The following MYBL1 variants were observed in gnomAD, a reference collection of about 807,000 sequenced individuals.
MYBL1 encodes myb-related protein A.
In MYBL1, 17 loss-of-function variants were observed where a neutral mutation model predicts 96.3. The observed-to-expected ratio is 0.18, with a 90% confidence interval of 0.12 to 0.26. The LOEUF is 0.26. MYBL1 is among the 10% of genes least tolerant of loss of function. The probability of loss-of-function intolerance (pLI) is 1.00; values close to 1 mark genes in which losing one functional copy is unlikely to be tolerated. For missense variants in MYBL1, 701 were observed against 882.9 expected (o/e 0.79, Z 2.61); for synonymous variants, 282 against 292.7 (o/e 0.96, Z 0.37).
At position 66,566,201 on chromosome 8, in the gene MYBL1, A is replaced by C; in HGVS notation, c.1993T>G (p.Leu665Val). ...TTGCACCTATTGTCATGTATTTCCAATAATGGTATCATTAATAAGGATGTA... is the reference window on the plus strand; with the variant it reads ...TTGCACCTATTGTCATGTATTTCCACTAATGGTATCATTAATAAGGATGTA... ...FTTSLLMIPLLEIHDNRCNLI... is the reference protein window; with the variant it reads ...FTTSLLMIPLVEIHDNRCNLI... Residue 665 changes from leucine to valine, a missense_variant, in exon 15 of 16, where the codon TTG becomes GTG. Physicochemically the swap from Leu to Val is conservative, Grantham distance 32. This residue lies in a region of MYBL1 where 137 missense variants were observed against 137.5 expected (regional missense o/e 1.00). Transcript: ENST00000522677. 1 of 1,513,618 alleles carries C rather than the reference A, an allele frequency of 6.6e-7. No individual in the cohort carries two copies. The highest frequency in any genetic ancestry group is 1.2e-5 in the South Asian group (1 of 82,002). 93.8% of individuals were successfully genotyped at this position (1,513,618 alleles called of 1,614,324 possible).
chr8:66,585,379 A>AT (rs1809375901), intron 8 of MYBL1, among the ~76,000 whole-genome samples: 3 of 152,190 alleles, frequency 2.0e-5, no homozygotes, highest in Admixed American at 6.5e-5. Context: ...TTTTTTGTGA[A>AT]AGAAGAAAAT....
chr8:66,572,460 A>G (rs1482018970), intron 12 of MYBL1, 22 bp downstream of exon 12: 4 of 1,175,322 alleles, frequency 3.4e-6, no homozygotes, highest in Non-Finnish European at 4.8e-6. Context: ...AAAATTATTA[A>G]AAATAAAATG....
intron 5 of MYBL1, among the ~76,000 whole-genome samples, chr8:66,596,664 T>C (rs1271266443): frequency 6.6e-6 from 1 of 152,170 alleles, no homozygotes; most frequent in African/African-American, 2.4e-5. Context: ...TGCTATAAAG[T>C]ACTATACAGA....
chr8:66,612,969 A>C lies in MYBL1; in HGVS notation c.-131T>G. Reference sequence around the variant, plus strand: ...CCCTCTGGAGGCGGCCGAGTGCGGAACGCACGTCCTCGACAGGGCAGGACG... The same window carrying C: ...CCCTCTGGAGGCGGCCGAGTGCGGACCGCACGTCCTCGACAGGGCAGGACG... On this transcript the variant is annotated 5_prime_UTR_variant, in exon 1 of 16. Coordinates refer to ENST00000522677, the MANE Select transcript of MYBL1 (RefSeq NM_001080416.4). 1 of 1,063,606 alleles carries C rather than the reference A, an allele frequency of 9.4e-7. No homozygotes were observed. The highest frequency in any genetic ancestry group is 1.2e-6 in the Non-Finnish European group (1 of 802,904). 65.9% of individuals were successfully genotyped at this position (1,063,606 alleles called of 1,614,324 possible).
intron 5 of MYBL1, among the ~76,000 whole-genome samples, chr8:66,595,990 G>C (rs2129964370): frequency 6.6e-6 from 1 of 152,222 alleles, no homozygotes; most frequent in South Asian, 2.1e-4. Context: ...AAATATTGCA[G>C]TGAGTAAGGC....
At position 66,613,146 on chromosome 8, in the gene MYBL1, C is replaced by T. The variant is rs1776915757; in HGVS notation, c.-308G>A. On this transcript the variant is annotated 5_prime_UTR_variant, in exon 1 of 16. Coordinates refer to ENST00000522677, the MANE Select transcript of MYBL1 (RefSeq NM_001080416.4). ...CTTCTCCCGCCGCTTGTCAGCCTCC[C>T]TGCCCTGGCCCCAGCCCGGCTCCGC... 2.5e-6 allele frequency: 1 copy of T among 401,674 alleles called. No individual in the cohort carries two copies. The highest frequency in any genetic ancestry group is 4.4e-6 in the Non-Finnish European group (1 of 227,222). The allele number at this position is 401,674 out of a possible 1,614,324, so 24.9% of individuals were successfully genotyped here.
At position 66,572,604 on chromosome 8, in the gene MYBL1, G is replaced by T. The variant is rs957804705; in HGVS notation, c.1614-8C>A. The T allele has an allele frequency of 9.0e-6, 12 of 1,328,016 alleles. No individual in the cohort carries two copies. Among genetic ancestry groups the T allele is most frequent in the Non-Finnish European group, 1.2e-5 (11 of 948,962 alleles). The allele number at this position is 1,328,016 out of a possible 1,614,324, so 82.3% of individuals were successfully genotyped here. On this transcript the variant is annotated splice_region_variant and splice_polypyrimidine_tract_variant and intron_variant, in intron 11 of 15. Coordinates refer to ENST00000522677, the MANE Select transcript of MYBL1 (RefSeq NM_001080416.4). ...ATAGTAGGTGTTCTAAACCTATCCA[G>T]TCATTTAGATATTTATGTTATAGTC...
intron 9 of MYBL1, among the ~76,000 whole-genome samples, chr8:66,579,800 G>A (rs1809126070): frequency 6.6e-6 from 1 of 152,056 alleles, no homozygotes; most frequent in Non-Finnish European, 1.5e-5. Flanking sequence ...AACACAGACT[G>A]AAAGGAATAC....
In MYBL1 at chr8:66,602,617, TCATA is replaced by T; in HGVS notation, c.21-98_21-95del. 3 of 635,558 alleles carry T rather than the reference TCATA, an allele frequency of 4.7e-6. No homozygotes were observed. In the East Asian group the frequency reaches 1.1e-4, roughly 23 times the overall value. The allele number at this position is 635,558 out of a possible 1,614,324, so 39.4% of individuals were successfully genotyped here. On this transcript the variant is annotated intron_variant, in intron 1 of 15. Transcript: ENST00000522677. ...GTGTGTGCAGGTATGACTGAAGAAA[TCATA>T]CAGACTACAAGTCATATTCACAATG... is the stretch of plus-strand genomic sequence containing the variant.
At chr8:66,591,324 G>A (rs1192461581) in intron 8 of MYBL1, among the ~76,000 whole-genome samples, 2 of 151,724 alleles carry the variant, frequency 1.3e-5, no homozygotes, top group African/African-American at 2.4e-5. Context: ...TCCAGCCTGG[G>A]CAACAGAGCA....
intron 3 of MYBL1, among the ~76,000 whole-genome samples, chr8:66,600,855 G>A (rs1382954636): frequency 1.2e-4 from 19 of 152,012 alleles, no homozygotes. Context: ...ACTACTCACA[G>A]TGTATTAAGG....
rs1809156617 is a variant in MYBL1, at chr8:66,580,352, A to G, written c.882T>C (p.Phe294=). The G allele has an allele frequency of 1.9e-6, 3 of 1,602,824 alleles. No individual in the cohort carries two copies. In the African/African-American group the frequency reaches 4.0e-5, roughly 21 times the overall value. The change falls in exon 9 of 16, where the codon TTT becomes TTC. Residue 294 remains phenylalanine (F), a synonymous_variant. Coordinates refer to ENST00000522677, the MANE Select transcript of MYBL1 (RefSeq NM_001080416.4). ...RKRIPSQPGS[F]SSWSGSFLMD... Reference sequence around the variant, plus strand: ...TGAGGAAACTACCAGACCAGCTAGAAAAACTTCCAGGCTGCTAAAGGTACA... The same window carrying G: ...TGAGGAAACTACCAGACCAGCTAGAGAAACTTCCAGGCTGCTAAAGGTACA...
chr8:66,611,416 T>C (rs1810522203), intron 1 of MYBL1, among the ~76,000 whole-genome samples: 1 of 152,220 alleles, frequency 6.6e-6, no homozygotes, highest in South Asian at 2.1e-4. Flanking sequence ...AATTGGGTCC[T>C]TGAAGTTCTA....
intron 2 of MYBL1, among the ~76,000 whole-genome samples, chr8:66,602,066 T>C (rs1316208736): frequency 6.6e-6 from 1 of 152,188 alleles, no homozygotes; most frequent in Non-Finnish European, 1.5e-5. Flanking sequence ...TTTTTGTTTT[T>C]GAGATGGAGT....
chr8:66,584,679 C>G (rs925756979), intron 8 of MYBL1, among the ~76,000 whole-genome samples: 10 of 151,790 alleles, frequency 6.6e-5, no homozygotes, highest in African/African-American at 2.2e-4. Flanking sequence ...GGCAAGATAG[C>G]GAGACCCCCA....
At chr8:66,593,345 T>C (rs2129943253) in intron 6 of MYBL1, among the ~76,000 whole-genome samples, 151 bp from the exon 7 acceptor site, 1 of 152,320 alleles carries the variant, frequency 6.6e-6, no homozygotes, top group East Asian at 1.9e-4. Context: ...TATAATACTT[T>C]CTTATCTATT....
At chr8:66,599,427 C>A (rs1343568929) in intron 3 of MYBL1, among the ~76,000 whole-genome samples, 1 of 152,086 alleles carries the variant, frequency 6.6e-6, no homozygotes, top group Non-Finnish European at 1.5e-5. Flanking sequence ...AGATAAAACA[C>A]AGATAACTGA....
chr8:66,587,381 C>G (rs949203816), intron 8 of MYBL1, among the ~76,000 whole-genome samples: 6 of 151,476 alleles, frequency 4.0e-5, no homozygotes, highest in East Asian at 3.9e-4. Context: ...AAAAAAAAAC[C>G]CTTGTGCCTT....
intron 8 of MYBL1, among the ~76,000 whole-genome samples, chr8:66,591,290 T>C (rs1250671251): frequency 6.6e-6 from 1 of 151,620 alleles, no homozygotes; most frequent in African/African-American, 2.4e-5. Flanking sequence ...GAGCTTGCAG[T>C]GAGCCAAGAT....
Sources: gnomAD v4.1 joint callset for allele counts (sites outside exome capture counted in the v4.1 genomes callset) on GRCh38, gnomAD v4.1.1 for gene constraint, gnomAD v4.1.1 regional missense constraint, MANE v1.5 for transcripts, NCBI Gene and HGNC (gene_info 2026-07-23, HGNC 2026-07-21) for gene names.